C10orf143: variants seen among roughly 807,000 people sequenced by gnomAD.
C10orf143 encodes the protein uncharacterized protein C10orf143.
chr10:130,105,736 C>A (rs1477613291), intron 1 of C10orf143, among the ~76,000 whole-genome samples: 2 of 150,838 alleles, frequency 1.3e-5, no homozygotes, highest in African/African-American at 5.0e-5. Context: ...GTTCCCCTCC[C>A]CCCCCAAACA....
At chr10:130,046,808 C>G (rs976481551) in intron 3 of C10orf143, among the ~76,000 whole-genome samples, 1 of 152,244 alleles carries the variant, frequency 6.6e-6, no homozygotes, top group Non-Finnish European at 1.5e-5. Context: ...TGCGTCTATG[C>G]AGCGCCTAGG....
At chr10:130,075,309 T>C (rs1436852162) in intron 3 of C10orf143, among the ~76,000 whole-genome samples, 2 of 152,146 alleles carry the variant, frequency 1.3e-5, no homozygotes, top group East Asian at 3.9e-4. Context: ...ACTGTATTTT[T>C]AACTTTCATG....
intron 1 of C10orf143, chr10:130,106,989 T>C: frequency 1.9e-6 from 2 of 1,076,104 alleles, no homozygotes; most frequent in Non-Finnish European, 2.9e-6. Context: ...AAGAAACTGA[T>C]TCATGCTACT....
At chr10:130,049,384 G>A (rs944297570) in intron 3 of C10orf143, among the ~76,000 whole-genome samples, 6 of 152,176 alleles carry the variant, frequency 3.9e-5, no homozygotes, top group Admixed American at 6.5e-5. Flanking sequence ...ATTCAGAGCC[G>A]GAGCTCCAAA....
At chr10:130,046,759 G>T (rs1227318649) in intron 3 of C10orf143, among the ~76,000 whole-genome samples, 3 of 152,172 alleles carry the variant, frequency 2.0e-5, no homozygotes, top group Admixed American at 1.3e-4. Flanking sequence ...GCTCGCCCAC[G>T]CCGCCCGCTC....
intron 1 of C10orf143, among the ~76,000 whole-genome samples, chr10:130,102,373 A>G (rs968039312): frequency 3.9e-4 from 60 of 152,176 alleles, no homozygotes; most frequent in African/African-American, 1.3e-3. Flanking sequence ...CTCTGCCTCC[A>G]GTGGTTCTCC....
chr10:130,039,324 G>A (rs1218890035), intron 3 of C10orf143, among the ~76,000 whole-genome samples: 1 of 152,184 alleles, frequency 6.6e-6, no homozygotes, highest in African/African-American at 2.4e-5. Flanking sequence ...GAGGACCACC[G>A]GTGGTGCTTT....
chr10:130,070,585 C>T (rs1861013844), intron 3 of C10orf143, among the ~76,000 whole-genome samples: 1 of 152,172 alleles, frequency 6.6e-6, no homozygotes. Context: ...GGGGATAAAA[C>T]ATTAGATATC....
At chr10:130,088,930 A>C (rs1028247659) in intron 1 of C10orf143, among the ~76,000 whole-genome samples, 3 of 152,212 alleles carry the variant, frequency 2.0e-5, no homozygotes, top group African/African-American at 7.2e-5. Context: ...CTGCATTACC[A>C]GGGCACACTG....
chr10:130,045,721 G>T (rs957788329), intron 3 of C10orf143, among the ~76,000 whole-genome samples: 2 of 152,256 alleles, frequency 1.3e-5, no homozygotes, highest in African/African-American at 4.8e-5. Context: ...GACTCAGAAA[G>T]TCACAGCCAC....
rs192694208 is a variant in C10orf143 at position 130,084,292 on chromosome 10, C to T, written c.70-4391G>A. On this transcript the variant is annotated intron_variant, in intron 1 of 3. Transcript: ENST00000637128. Reference sequence around the variant, plus strand: ...TTGCACCACTGCACTCCAACCTGTGCAACAGAGCAAGACTCCATCTCAAAA... The same window carrying T: ...TTGCACCACTGCACTCCAACCTGTGTAACAGAGCAAGACTCCATCTCAAAA... 6.0e-5 allele frequency among the ~76,000 whole-genome samples: 9 copies of T among 150,516 alleles called. 1 individual carries two copies. In the East Asian group the frequency reaches 1.8e-3, roughly 30 times the overall value.
intron 1 of C10orf143, among the ~76,000 whole-genome samples, chr10:130,105,419 C>T (rs1590037600): frequency 6.6e-6 from 1 of 152,256 alleles, no homozygotes; most frequent in Middle Eastern, 3.4e-3. Flanking sequence ...AATAATTTAG[C>T]AGTGTTGTGC....
chr10:130,084,766 C>T (rs190138050), intron 1 of C10orf143, among the ~76,000 whole-genome samples: 111 of 152,128 alleles, frequency 7.3e-4, no homozygotes, highest in African/African-American at 2.7e-3. Context: ...TTCGAAATAC[C>T]ATTTTCCCTT....
At chr10:130,106,581 A>G (rs1861652224) in intron 1 of C10orf143, 1 of 1,545,324 alleles carries the variant, frequency 6.5e-7, no homozygotes, top group Non-Finnish European at 8.9e-7. Flanking sequence ...CTAGCAGATG[A>G]GTCAGAATCC....
intron 1 of C10orf143, chr10:130,106,967 A>G (rs960292486): frequency 9.7e-7 from 1 of 1,030,920 alleles, no homozygotes; most frequent in Middle Eastern, 2.0e-4. Context: ...TGATCCTCTA[A>G]AAGGAGCTCT....
At chr10:130,063,150 C>T (rs1402427447), downstream of C10orf143, among the ~76,000 whole-genome samples, 1 of 152,272 alleles carries the variant, frequency 6.6e-6, no homozygotes, top group Non-Finnish European at 1.5e-5. Flanking sequence ...AAGCCAGCTT[C>T]GTATGAACAG....
chr10:130,101,791 C>G (rs1861555000), intron 1 of C10orf143, among the ~76,000 whole-genome samples: 1 of 124,638 alleles, frequency 8.0e-6, no homozygotes, highest in Non-Finnish European at 1.6e-5. Flanking sequence ...ACCCGGGAGA[C>G]AGAGATTGCA....
At chr10:130,072,493 A>C (rs1861048816) in intron 3 of C10orf143, among the ~76,000 whole-genome samples, 1 of 152,144 alleles carries the variant, frequency 6.6e-6, no homozygotes, top group Non-Finnish European at 1.5e-5. Flanking sequence ...TCTATCTTCT[A>C]ATTCACTAAT....
In C10orf143 at chr10:130,053,100, G is replaced by A. The variant is rs187130853; in HGVS notation, c.298-17130C>T. The stretch of plus-strand genomic sequence containing the variant: ...TTTGGAGATGGAGTCTTGCTCTGTG[G>A]CCCAGGCTGGAGTGCAGTGGCATGA... On this transcript the variant is annotated intron_variant and NMD_transcript_variant, in intron 3 of 5. Transcript: ENST00000643056. 2.6e-5 allele frequency among the ~76,000 whole-genome samples: 4 copies of A among 152,196 alleles called. No individual in the cohort carries two copies. The East Asian group carries it at 7.7e-4, about 29-fold the overall frequency.
Sources: gnomAD v4.1 joint callset for allele counts (sites outside exome capture counted in the v4.1 genomes callset) on GRCh38, gnomAD v4.1.1 for gene constraint, MANE v1.5 for transcripts, NCBI Gene and HGNC (gene_info 2026-07-23, HGNC 2026-07-21) for gene names.